GNG2: variants seen among roughly 807,000 people sequenced by gnomAD.
GNG2 encodes the protein G protein subunit gamma 2.
Under a neutral mutation model 5.5 loss-of-function variants are expected in GNG2, and 5 were observed. The observed-to-expected ratio is 0.91, with a 90% confidence interval of 0.48 to 1.92. The LOEUF is 1.92. Ranked by LOEUF, GNG2 falls within the 30% of genes most tolerant of loss-of-function variation. The probability of loss-of-function intolerance (pLI) is 0.01; values close to 1 mark genes in which losing one functional copy is unlikely to be tolerated. For missense variants in GNG2, 55 were observed against 88.4 expected (o/e 0.62, Z 1.52); for synonymous variants, 28 against 32.0 (o/e 0.88, Z 0.42).
intron 2 of GNG2, 74 bp from the exon 3 acceptor site, chr14:51,950,576 T>G: frequency 1.1e-6 from 1 of 889,738 alleles, no homozygotes; most frequent in Non-Finnish European, 1.8e-6. Flanking sequence ...TGAGATCCCC[T>G]AGTTACGATG....
intron 2 of GNG2, among the ~76,000 whole-genome samples, chr14:51,836,768 A>T (rs1179244363): frequency 6.6e-6 from 1 of 152,060 alleles, no homozygotes; most frequent in African/African-American, 2.4e-5. Flanking sequence ...TCATTACAAT[A>T]AAAAAACCTT....
intron 2 of GNG2, among the ~76,000 whole-genome samples, chr14:51,828,855 C>T (rs896489424): frequency 5.9e-5 from 9 of 152,108 alleles, no homozygotes; most frequent in South Asian, 2.1e-4. Flanking sequence ...GGGCTGGGGA[C>T]GGCAGAGGCT....
chr14:51,964,193 A>G (rs571876159), intron 3 of GNG2, among the ~76,000 whole-genome samples: 2 of 152,334 alleles, frequency 1.3e-5, no homozygotes, highest in Admixed American at 1.3e-4. Flanking sequence ...GCCAAGGGAT[A>G]CCAAAGATTG....
chr14:51,826,196 G>C (rs1158116312), exon 1 of GNG2: 1 of 152,260 alleles, frequency 6.6e-6, no homozygotes. Context: ...GGTTGCAGGA[G>C]AGCATGCAGA....
intron 2 of GNG2, among the ~76,000 whole-genome samples, chr14:51,910,677 C>A (rs980008170): frequency 3.9e-5 from 6 of 152,196 alleles, no homozygotes; most frequent in Non-Finnish European, 8.8e-5. Flanking sequence ...TTGTCTGAGC[C>A]TACTTTTACC....
intron 2 of GNG2, among the ~76,000 whole-genome samples, chr14:51,886,904 G>A (rs1884496816): frequency 6.6e-6 from 1 of 152,196 alleles, no homozygotes; most frequent in East Asian, 1.9e-4. Context: ...AATGGATTTG[G>A]AGAGGCAAAT....
At chr14:51,863,996 G>C (rs1384577957) in intron 1 of GNG2, among the ~76,000 whole-genome samples, 2 of 152,110 alleles carry the variant, frequency 1.3e-5, no homozygotes, top group African/African-American at 4.8e-5. Flanking sequence ...ATATCTGTTA[G>C]AGTCCCTGCT....
intron 2 of GNG2, among the ~76,000 whole-genome samples, chr14:51,918,312 C>T (rs1886779234): frequency 2.0e-5 from 3 of 151,980 alleles, no homozygotes. Context: ...ATTTTGCTTC[C>T]TGGTTGTCCT....
In GNG2 at chr14:51,950,771, G is replaced by A. The variant is rs1295736210; in HGVS notation, c.87+6G>A. ...CCAATATCGACAGGATAAAGGTGAGGATGGTCTAACCCCACACTTCATCTA... is the reference window on the plus strand; with the variant it reads ...CCAATATCGACAGGATAAAGGTGAGAATGGTCTAACCCCACACTTCATCTA... On this transcript the variant is annotated splice_donor_region_variant and intron_variant, in intron 3 of 3. Transcript: ENST00000556766. The A allele has an allele frequency of 5.7e-6, 9 of 1,579,794 alleles. No homozygotes were observed. The highest frequency in any genetic ancestry group is 1.1e-5 in the South Asian group (1 of 87,660).
intron 2 of GNG2, among the ~76,000 whole-genome samples, chr14:51,902,820 C>G (rs7158119): frequency 7.0e-4 from 106 of 152,120 alleles, no homozygotes; most frequent in African/African-American, 2.4e-3. Context: ...TCTGGCAGGT[C>G]GAGGCTGCAG....
chr14:51,958,924 T>C (rs1176985689), intron 3 of GNG2, among the ~76,000 whole-genome samples: 1 of 152,182 alleles, frequency 6.6e-6, no homozygotes, highest in Non-Finnish European at 1.5e-5. Flanking sequence ...CTGAAGCTTC[T>C]CTCATCAAGA....
chr14:51,929,988 C>A (rs1887561097), intron 2 of GNG2, among the ~76,000 whole-genome samples: 2 of 152,102 alleles, frequency 1.3e-5, no homozygotes, highest in Admixed American at 1.3e-4. Context: ...ACATCTATCT[C>A]TAGAAATTCC....
At chr14:51,830,084 G>A (rs556637538) in intron 2 of GNG2, among the ~76,000 whole-genome samples, 11 of 152,066 alleles carry the variant, frequency 7.2e-5, no homozygotes, top group East Asian at 5.8e-4. Context: ...CTCGTGATCC[G>A]CCCACCTCAG....
chr14:51,879,459 T>C (rs1221246736), intron 2 of GNG2, among the ~76,000 whole-genome samples: 2 of 152,258 alleles, frequency 1.3e-5, no homozygotes, highest in East Asian at 1.9e-4. Flanking sequence ...TAGTTTTCTA[T>C]GGCTGCTGTA....
chr14:51,925,732 C>T (rs769119668), intron 2 of GNG2, among the ~76,000 whole-genome samples: 3 of 152,154 alleles, frequency 2.0e-5, no homozygotes, highest in African/African-American at 7.2e-5. Flanking sequence ...TTGCCTCAGC[C>T]TCCTGAGCAG....
chr14:51,914,583 G>T (rs953077345), intron 2 of GNG2, among the ~76,000 whole-genome samples: 2 of 152,104 alleles, frequency 1.3e-5, no homozygotes, highest in Non-Finnish European at 2.9e-5. Flanking sequence ...GTGCTTTCAG[G>T]TGCTTATCTC....
intron 2 of GNG2, among the ~76,000 whole-genome samples, chr14:51,941,891 C>A (rs962162547): frequency 1.3e-5 from 2 of 152,164 alleles, no homozygotes; most frequent in South Asian, 4.1e-4. Flanking sequence ...AATAAAATTT[C>A]TTCTGTATTA....
At chr14:51,960,747 C>T (rs1217655168) in intron 3 of GNG2, among the ~76,000 whole-genome samples, 1 of 150,324 alleles carries the variant, frequency 6.7e-6, no homozygotes, top group East Asian at 2.0e-4. Context: ...CAACATTTAA[C>T]CTGGGGCTAT....
upstream of GNG2, among the ~76,000 whole-genome samples, chr14:51,857,548 A>G (rs1220569208): frequency 6.6e-6 from 1 of 152,218 alleles, no homozygotes; most frequent in African/African-American, 2.4e-5. Context: ...CATCTCAGCA[A>G]TGTACTTCTG....
Sources: allele counts gnomAD v4.1 joint callset (sites outside exome capture counted in the v4.1 genomes callset), GRCh38; gene constraint gnomAD v4.1.1; transcripts MANE v1.5; gene names NCBI Gene and HGNC (gene_info 2026-07-23, HGNC 2026-07-21).